The following ANKRD26 variants were observed in gnomAD, a reference collection of about 807,000 sequenced individuals.
ANKRD26 encodes ankyrin repeat domain-containing protein 26.
Under a neutral mutation model 208.7 loss-of-function variants are expected in ANKRD26, and 141 were observed. That is an observed-to-expected ratio of 0.68 (90% CI 0.59 to 0.78). The LOEUF (loss-of-function observed/expected upper bound fraction) is 0.78, where lower values mean the gene tolerates loss of function less well. ANKRD26 is among the 30% of genes least tolerant of loss of function. ANKRD26 has a pLI of 0.00. For synonymous variants in ANKRD26, 636 were observed against 660.4 expected, an observed-to-expected ratio of 0.96 and a Z score of 0.57; for missense variants, 1,889 against 1,938.7, an observed-to-expected ratio of 0.97 and a Z score of 0.48.
intron 23 of ANKRD26, 22 bp from the exon 24 acceptor site, chr10:27,035,774 T>C (rs754401680): frequency 2.1e-5 from 32 of 1,516,646 alleles, no homozygotes; most frequent in Non-Finnish European, 2.8e-5. Flanking sequence ...AAAGGAAACT[T>C]TGAGCTAGCA....
downstream of ANKRD26, among the ~76,000 whole-genome samples, chr10:27,002,386 G>A (rs193216261): frequency 9.4e-4 from 143 of 152,316 alleles, no homozygotes; most frequent in Non-Finnish European, 1.3e-3. Context: ...GAGTTTGCAC[G>A]TTCTCCCCTT....
chr10:27,064,491 A>C (rs889374573), intron 11 of ANKRD26, among the ~76,000 whole-genome samples: 3 of 152,328 alleles, frequency 2.0e-5, no homozygotes, highest in African/African-American at 7.2e-5. Context: ...GGGAAAAAAA[A>C]GTGTATTTTA....
Position 27,004,340 on chromosome 10 carries a change from A to G in ANKRD26, c.*1250T>C, listed in dbSNP as rs964862337. ...AAAACAAATTTTTAATAACAATATT[A>G]ATGAATTATAACTCACTGAATAAAA... is the stretch of plus-strand genomic sequence containing the variant. On this transcript the variant is annotated 3_prime_UTR_variant, in exon 34 of 34. Coordinates refer to ENST00000376087, the MANE Select transcript of ANKRD26 (RefSeq NM_014915.3). 6.6e-6 allele frequency: 1 copy of G among 150,584 alleles called. No homozygotes were observed. Among genetic ancestry groups the G allele is most frequent in the Non-Finnish European group, 1.5e-5 (1 of 67,662 alleles). The allele number at this position is 150,584 out of a possible 1,614,324, so 9.3% of individuals were successfully genotyped here. A position where few individuals can be genotyped will look rare whatever the true frequency, so the allele number is the denominator to read the frequency against.
At chr10:27,076,731 A>G (rs1324338220) in intron 9 of ANKRD26, among the ~76,000 whole-genome samples, 2 of 152,316 alleles carry the variant, frequency 1.3e-5, no homozygotes, top group Non-Finnish European at 1.5e-5. Flanking sequence ...CTATGCACAC[A>G]AACTAGAAAA....
rs1178750190 is a variant in ANKRD26, at chr10:27,093,784, C to T, written c.258G>A (p.Leu86=). The T allele has an allele frequency of 6.2e-7, 1 of 1,614,068 alleles. No homozygotes were observed. The highest frequency in any genetic ancestry group is 8.5e-7 in the Non-Finnish European group (1 of 1,179,926). The stretch of plus-strand genomic sequence containing the variant: ...CTTCTGGATGACCATTGGCACAGGC[C>T]AAATGTAGAGCCGTCCTATGAGAGT... The part of the protein sequence containing the change: ...RDKMNRTALH[L]ACANGHPEVV... The change falls in exon 2 of 34, where the codon TTG becomes TTA. Residue 86 remains leucine (L), a synonymous_variant. Transcript: ENST00000376087.
At chr10:27,051,106 C>A in intron 16 of ANKRD26, 1 of 1,287,626 alleles carries the variant, frequency 7.8e-7, no homozygotes, top group Non-Finnish European at 1.0e-6. Context: ...TGGAACTCTA[C>A]TTTTAACATG....
intron 9 of ANKRD26, among the ~76,000 whole-genome samples, chr10:27,068,526 T>C (rs1016943809): frequency 1.3e-5 from 2 of 152,066 alleles, no homozygotes; most frequent in African/African-American, 4.8e-5. Context: ...GGATGAGGCA[T>C]GAAACAACAC....
At chr10:27,090,619 T>C (rs534378769) in intron 4 of ANKRD26, among the ~76,000 whole-genome samples, 1 of 152,194 alleles carries the variant, frequency 6.6e-6, no homozygotes, top group East Asian at 1.9e-4. Flanking sequence ...AAGAGGCCTC[T>C]TGTCTCACTG....
chr10:27,040,897 G>A (rs913761463), intron 20 of ANKRD26, among the ~76,000 whole-genome samples: 1 of 152,026 alleles, frequency 6.6e-6, no homozygotes, highest in Non-Finnish European at 1.5e-5. Flanking sequence ...GGGCGTGGTG[G>A]CAGGCACCTG....
chr10:27,043,535 A>C lies in ANKRD26; in HGVS notation c.2052T>G (p.Val684=). Residue 684 remains valine, a synonymous_variant, in exon 20 of 34, where the codon GTT becomes GTG. Transcript: ENST00000376087. ...VKNQIQSMDD[V]DDLTQSSETA... is the part of the protein sequence containing the mutation. ...TTTCAGATGACTGAGTTAAGTCATC[A>C]ACATCATCCATAGACTGTATTTGGT... 6.2e-7 allele frequency: 1 copy of C among 1,613,814 alleles called. No homozygotes were observed. Among genetic ancestry groups the C allele is most frequent in the South Asian group, 1.1e-5 (1 of 91,076 alleles).
intron 32 of ANKRD26, among the ~76,000 whole-genome samples, chr10:27,012,226 G>C (rs2053136415): frequency 6.6e-6 from 1 of 152,014 alleles, no homozygotes; most frequent in Non-Finnish European, 1.5e-5. Context: ...TCCATTAGAA[G>C]GAAAGCCAAA....
chr10:27,077,681 G>C lies in ANKRD26; in HGVS notation c.826C>G (p.Pro276Ala). 6.2e-7 allele frequency: 1 copy of C among 1,612,508 alleles called. No homozygotes were observed. The highest frequency in any genetic ancestry group is 1.3e-5 in the African/African-American group (1 of 74,982). The change falls in exon 8 of 34, where the codon CCA becomes GCA. Residue 276 changes from proline (P) to alanine (A), a missense_variant. This residue lies in a region of ANKRD26 where 1,272 missense variants were observed against 1,273.8 expected (regional missense o/e 1.00). Transcript: ENST00000376087. Reference protein sequence around the residue: ...LNFDTKNVPKPSLAKLMTASQ... With the variant: ...LNFDTKNVPKASLAKLMTASQ... ...GCAGTCATTAGCTTTGCTAAGCTTG[G>C]TTTTGGGACATTCTAGAAAACAAAA... is the stretch of plus-strand genomic sequence containing the variant.
chr10:26,988,627 T>C (rs891325657), downstream of ANKRD26, among the ~76,000 whole-genome samples: 7 of 152,050 alleles, frequency 4.6e-5, no homozygotes, highest in African/African-American at 9.7e-5. Flanking sequence ...TCTACAGGAA[T>C]ACTAAAGAAG....
downstream of ANKRD26, among the ~76,000 whole-genome samples, chr10:26,989,250 A>G (rs868627490): frequency 1.5e-4 from 23 of 152,276 alleles, no homozygotes; most frequent in Middle Eastern, 3.4e-3. Context: ...AGGGAATCAT[A>G]CAGTTCCCTG....
Position 27,091,647 on chromosome 10 carries a change from A to C in ANKRD26, c.638+759T>G, listed in dbSNP as rs2056302528. Among the ~76,000 whole-genome samples, 5 of 152,218 alleles carry C rather than the reference A, an allele frequency of 3.3e-5. No homozygotes were observed. In the South Asian group the frequency reaches 8.3e-4, roughly 25 times the overall value. On this transcript the variant is annotated intron_variant, in intron 4 of 33. Coordinates refer to ENST00000376087, the MANE Select transcript of ANKRD26 (RefSeq NM_014915.3). ...AGCATTTCTGAAGGAAAAGTACATA[A>C]GCAGAGGTTAGAACAATACCATAAA...
At chr10:27,058,625 G>T (rs976756677) in intron 15 of ANKRD26, among the ~76,000 whole-genome samples, 1 of 151,390 alleles carries the variant, frequency 6.6e-6, no homozygotes, top group Non-Finnish European at 1.5e-5. Context: ...CGCCAGGCTG[G>T]AGTCCAGTGG....
At chr10:27,008,901 G>A (rs1194245557) in intron 32 of ANKRD26, among the ~76,000 whole-genome samples, 8 of 152,174 alleles carry the variant, frequency 5.3e-5, no homozygotes, top group African/African-American at 2.4e-5. Context: ...GTGTAGTGGA[G>A]TAATCTCGGC....
intron 9 of ANKRD26, among the ~76,000 whole-genome samples, chr10:27,072,387 G>A (rs891633089): frequency 1.4e-4 from 21 of 152,196 alleles, no homozygotes; most frequent in African/African-American, 4.3e-4. Flanking sequence ...AGCAGCCAGG[G>A]AACTGCCCTC....
chr10:27,027,179 G>A (rs2053688959), intron 27 of ANKRD26, among the ~76,000 whole-genome samples: 1 of 152,210 alleles, frequency 6.6e-6, no homozygotes, highest in South Asian at 2.1e-4. Context: ...GTAATGTCCT[G>A]CTGGAGCAGC....
Sources: allele counts gnomAD v4.1 joint callset (sites outside exome capture counted in the v4.1 genomes callset), GRCh38; gene constraint gnomAD v4.1.1; regional missense constraint gnomAD v4.1.1; transcripts MANE v1.5; gene names NCBI Gene and HGNC (gene_info 2026-07-23, HGNC 2026-07-21).